BUB1B: variants seen among roughly 807,000 people sequenced by gnomAD.
The protein encoded by BUB1B is BUB1 mitotic checkpoint serine/threonine kinase B.
A neutral mutation model predicts 137.7 loss-of-function variants in BUB1B; 86 were observed. The observed-to-expected ratio is 0.62, with a 90% CI of 0.52 to 0.75. The LOEUF is 0.75. BUB1B is among the 30% of genes least tolerant of loss of function. The pLI, the probability that BUB1B is intolerant of heterozygous loss-of-function variation, is 0.00. For synonymous variants in BUB1B, 420 were observed against 417.9 expected (o/e 1.00, Z -0.06); for missense variants, 1,130 against 1,236.9 (o/e 0.91, Z 1.30).
chr15:40,165,898 G>A (rs1287813262), intron 2 of BUB1B, among the ~76,000 whole-genome samples: 3 of 151,076 alleles, frequency 2.0e-5, no homozygotes, highest in Non-Finnish European at 4.4e-5. Flanking sequence ...TATCACCCAG[G>A]TTGGAGTACA....
rs2037150565 is a variant in BUB1B, at chr15:40,170,602, TAGAA to T, written c.309_312del (p.Arg104LeufsTer2). The T allele has an allele frequency of 6.2e-7, 1 of 1,612,996 alleles. No homozygotes were observed. Among genetic ancestry groups the T allele is most frequent in the Non-Finnish European group, 8.5e-7 (1 of 1,179,018 alleles). On this transcript the variant is annotated frameshift_variant, in exon 4 of 23. Coordinates refer to ENST00000287598, the MANE Select transcript of BUB1B (RefSeq NM_001211.6). LOFTEE classifies it high-confidence loss of function. ...AAGGAGAGTAATATGTCAACGTTATTAGAAAGAGCTGTAGAAGCACTACAAGGAG... is the reference window on the plus strand; with the variant it reads ...AAGGAGAGTAATATGTCAACGTTATTAGAGCTGTAGAAGCACTACAAGGAG...
Position 40,165,142 on chromosome 15 carries a change from A to G in BUB1B, c.125A>G (p.Gln42Arg), listed in dbSNP as rs368079817. ...LRQGRIMSTL[Q>R]GALAQESACN... is the part of the protein sequence containing the mutation. ...CAAGGGCGGATCATGTCCACGCTTC[A>G]GGGAGCACTGGCACAAGAATCTGCC... is the stretch of plus-strand genomic sequence containing the variant. The change falls in exon 2 of 23, where the codon CAG becomes CGG. Residue 42 changes from glutamine to arginine, a missense_variant. Coordinates refer to ENST00000287598, the MANE Select transcript of BUB1B (RefSeq NM_001211.6). 5 of 1,614,104 alleles carry G rather than the reference A, an allele frequency of 3.1e-6. No homozygotes were observed. The African/African-American group carries it at 6.7e-5, about 22-fold the overall frequency.
At chr15:40,189,806 C>G (rs914859371) in intron 8 of BUB1B, among the ~76,000 whole-genome samples, 2 of 152,194 alleles carry the variant, frequency 1.3e-5, no homozygotes, top group Non-Finnish European at 2.9e-5. Flanking sequence ...TCCAAAAAAG[C>G]TGTACCATTT....
At position 40,210,106 on chromosome 15, in the gene BUB1B, A is replaced by G. The variant is rs1555383523; in HGVS notation, c.2285-4A>G. ...TTTTAAATGGAATCAAACTTTCTCA[A>G]CAGGTAATGAGGATTACTGCATTAA... is the stretch of plus-strand genomic sequence containing the variant. On this transcript the variant is annotated splice_region_variant and splice_polypyrimidine_tract_variant and intron_variant, in intron 17 of 22. Coordinates refer to ENST00000287598, the MANE Select transcript of BUB1B (RefSeq NM_001211.6). The G allele has an allele frequency of 6.3e-7, 1 of 1,596,116 alleles. No individual in the cohort carries two copies.
intron 8 of BUB1B, among the ~76,000 whole-genome samples, chr15:40,191,256 A>G (rs905084496): frequency 2.0e-5 from 3 of 152,224 alleles, no homozygotes; most frequent in Admixed American, 2.0e-4. Context: ...TTGGACCACC[A>G]TTGACCATAG....
chr15:40,182,790 C>T (rs553546680), intron 5 of BUB1B, among the ~76,000 whole-genome samples: 1 of 152,250 alleles, frequency 6.6e-6, no homozygotes, highest in South Asian at 2.1e-4. Context: ...GATGGGGTTT[C>T]TCTGAGTTTT....
chr15:40,187,827 A>C (rs1032328350), intron 8 of BUB1B, among the ~76,000 whole-genome samples: 3 of 152,112 alleles, frequency 2.0e-5, no homozygotes, highest in African/African-American at 4.8e-5. Context: ...ACTTGAGCCC[A>C]GGAGTTTGTG....
intron 20 of BUB1B, among the ~76,000 whole-genome samples, chr15:40,216,935 A>G (rs927136965): frequency 1.3e-5 from 2 of 152,160 alleles, no homozygotes; most frequent in Non-Finnish European, 2.9e-5. Context: ...TTAGTAAATA[A>G]CTGGAATTAC....
intron 4 of BUB1B, among the ~76,000 whole-genome samples, chr15:40,173,586 C>T (rs1032696104): frequency 3.3e-5 from 5 of 152,068 alleles, no homozygotes; most frequent in Non-Finnish European, 5.9e-5. Context: ...TTGATATTGC[C>T]GGGACATCCA....
rs751339245 is a variant in BUB1B, at chr15:40,183,760, AAAG to A, written c.636_638del (p.Glu215del). The A allele has an allele frequency of 1.7e-5, 27 of 1,614,048 alleles. No homozygotes were observed. Among genetic ancestry groups the A allele is most frequent in the African/African-American group, 4.0e-5 (3 of 74,922 alleles). On this transcript the variant is annotated inframe_deletion, in exon 6 of 23. Transcript: ENST00000287598. ...TCGGCAAACTCTGTTGGCACTTGAG[AAAG>A]AAGAAGAGGAGGAAGTTTTTGAGTC...
intron 2 of BUB1B, among the ~76,000 whole-genome samples, chr15:40,167,219 G>A (rs1009575722): frequency 3.4e-5 from 5 of 147,816 alleles, no homozygotes; most frequent in African/African-American, 1.2e-4. Flanking sequence ...TTTTGATGAA[G>A]TTCAATTAAT....
At chr15:40,186,430 C>CTTTTTTTTTTTTTTTT (rs769074759) in intron 8 of BUB1B, among the ~76,000 whole-genome samples, 1 of 67,356 alleles carries the variant, frequency 1.5e-5, no homozygotes, top group Non-Finnish European at 2.6e-5. Flanking sequence ...TTGCCTAGTT[C>CTTTTTTTTTTTTTTTT]TTTTTTTTTT....
At chr15:40,209,246 C>T (rs1336196181) in intron 16 of BUB1B, among the ~76,000 whole-genome samples, 1 of 152,176 alleles carries the variant, frequency 6.6e-6, no homozygotes, top group Non-Finnish European at 1.5e-5. Flanking sequence ...TGGGGAAACC[C>T]CAACTCTACT....
chr15:40,183,995 G>A, intron 6 of BUB1B, 112 bp downstream of exon 6: 2 of 1,153,940 alleles, frequency 1.7e-6, no homozygotes, highest in Non-Finnish European at 2.5e-6. Flanking sequence ...TGAATACTGA[G>A]TAGCAAAAAG....
Position 40,202,681 on chromosome 15 carries a change from C to T in BUB1B, c.1721C>T (p.Ser574Phe), listed in dbSNP as rs946655503. ...SESITSNEDV[S>F]PDVCDEFTGI... is the part of the protein sequence containing the mutation. ...AGCATCACCTCAAATGAAGATGTGT[C>T]TCCAGATGTTTGTGTAAGGAGCAGT... Residue 574 changes from serine (S) to phenylalanine (F), a missense_variant, in exon 14 of 23, where the codon TCT (serine) becomes TTT (phenylalanine). By Grantham distance (155) the Ser-to-Phe change is radical. Coordinates refer to ENST00000287598, the MANE Select transcript of BUB1B (RefSeq NM_001211.6). The T allele has an allele frequency of 6.2e-7, 1 of 1,613,082 alleles. No homozygotes were observed. The highest frequency in any genetic ancestry group is 8.5e-7 in the Non-Finnish European group (1 of 1,179,110).
chr15:40,217,411 A>G, intron 20 of BUB1B, 85 bp from the exon 21 acceptor site: 1 of 1,410,236 alleles, frequency 7.1e-7, no homozygotes, highest in Non-Finnish European at 1.0e-6. Context: ...GATGTACCCA[A>G]GGTACCTTTT....
chr15:40,206,428 ACAGTCAGACTCT>A lies in BUB1B; in HGVS notation c.1983_1994del (p.Gln662_Ser665del). 1.9e-6 allele frequency: 3 copies of A among 1,614,222 alleles called. No individual in the cohort carries two copies. Among genetic ancestry groups the A allele is most frequent in the Non-Finnish European group, 2.5e-6 (3 of 1,180,038 alleles). ...CAGCAGACAGCTTGTGGCACTATCT[ACAGTCAGACTCT>A]CAGCATCAAGAAGCTGAGGTGATTG... On this transcript the variant is annotated inframe_deletion, in exon 15 of 23. Coordinates refer to ENST00000287598, the MANE Select transcript of BUB1B (RefSeq NM_001211.6).
chr15:40,175,303 A>G (rs1228464020), intron 4 of BUB1B, among the ~76,000 whole-genome samples: 1 of 152,232 alleles, frequency 6.6e-6, no homozygotes, highest in Non-Finnish European at 1.5e-5. Flanking sequence ...TGATGCATTC[A>G]TTTAAAAATA....
rs752429596 is a variant in BUB1B, at chr15:40,200,366, C to G, written c.1517+7C>G. Reference sequence around the variant, plus strand: ...AAGTAAACTGTTGTGCCAGGTAAGACTACATAGGTGGAAGGGACAATGCAT... The same window carrying G: ...AAGTAAACTGTTGTGCCAGGTAAGAGTACATAGGTGGAAGGGACAATGCAT... On this transcript the variant is annotated splice_region_variant and intron_variant, in intron 11 of 22. Coordinates refer to ENST00000287598, the MANE Select transcript of BUB1B (RefSeq NM_001211.6). 3.7e-6 allele frequency: 6 copies of G among 1,605,754 alleles called. No individual in the cohort carries two copies. In the Admixed American group the frequency reaches 5.0e-5, roughly 13 times the overall value.
Sources: allele counts gnomAD v4.1 joint callset (sites outside exome capture counted in the v4.1 genomes callset), GRCh38; gene constraint gnomAD v4.1.1; transcripts MANE v1.5; gene names NCBI Gene and HGNC (gene_info 2026-07-23, HGNC 2026-07-21).